The following THADA variants were observed in gnomAD, a reference collection of about 807,000 sequenced individuals.
THADA encodes THADA armadillo repeat containing.
In THADA, 213 loss-of-function variants were observed where a neutral mutation model predicts 219.8. That is an observed-to-expected ratio of 0.97 (90% CI 0.87 to 1.09). The LOEUF (loss-of-function observed/expected upper bound fraction) is 1.09, where lower values mean the gene tolerates loss of function less well. Among genes scored for constraint, THADA ranks in the 50% least tolerant of loss-of-function variants. THADA has a pLI of 0.00. For synonymous variants in THADA, 1,018 were observed against 828.9 expected (o/e 1.23, Z -3.92); for missense variants, 2,956 against 2,311.3 (o/e 1.28, Z -5.72).
At chr2:43,571,137 T>C (rs1047397513) in intron 13 of THADA, among the ~76,000 whole-genome samples, 9 of 152,068 alleles carry the variant, frequency 5.9e-5, no homozygotes, top group African/African-American at 1.7e-4. Flanking sequence ...GCCCCTGTCA[T>C]CCCAGCTACT....
At position 43,574,925 on chromosome 2, in the gene THADA, G is replaced by C. The variant is rs1026372495; in HGVS notation, c.1140C>G (p.Asp380Glu). ...CTATACTTGAATTCCCATTCAGGCT[G>C]TCCGTTAGGCTCGGGGAACTTGATT... is the stretch of plus-strand genomic sequence containing the variant. ...VLESSSPSLTDSLNGNSSIVG... is the reference protein window; with the variant it reads ...VLESSSPSLTESLNGNSSIVG... The change falls in exon 11 of 38, where the codon GAC becomes GAG. Residue 380 changes from aspartate to glutamate, a missense_variant. Physicochemically the swap from Asp to Glu is conservative, Grantham distance 45 (BLOSUM62 2). Transcript: ENST00000405975. 1.9e-6 allele frequency: 3 copies of C among 1,613,888 alleles called. No homozygotes were observed. In the Admixed American group the frequency reaches 5.0e-5, roughly 27 times the overall value.
At chr2:43,254,175 C>A (rs1301860852) in intron 36 of THADA, among the ~76,000 whole-genome samples, 1 of 151,738 alleles carries the variant, frequency 6.6e-6, no homozygotes, top group African/African-American at 2.4e-5. Context: ...CAACTAGAGC[C>A]AATAAAATGC....
chr2:43,566,153 A>G, intron 15 of THADA: 2 of 336,336 alleles, frequency 5.9e-6, no homozygotes, highest in Admixed American at 4.8e-5. Flanking sequence ...AAAAGATTCA[A>G]AGAGGGAACT....
chr2:43,269,216 G>A (rs988706339), intron 36 of THADA, among the ~76,000 whole-genome samples: 2 of 152,208 alleles, frequency 1.3e-5, no homozygotes, highest in African/African-American at 4.8e-5. Context: ...GATGGCCTAA[G>A]CCTCAGACTG....
At chr2:43,253,460 T>G (rs961186133) in intron 36 of THADA, among the ~76,000 whole-genome samples, 9 of 152,154 alleles carry the variant, frequency 5.9e-5, no homozygotes, top group African/African-American at 2.2e-4. Flanking sequence ...CTCTCTCAAC[T>G]CTCACTCATG....
At chr2:43,537,530 A>G (rs1330811239) in intron 21 of THADA, among the ~76,000 whole-genome samples, 1 of 152,258 alleles carries the variant, frequency 6.6e-6, no homozygotes, top group Non-Finnish European at 1.5e-5. Flanking sequence ...AAAATACAAA[A>G]AGCAATTTAA....
chr2:43,394,978 C>A (rs1673852636), intron 29 of THADA, among the ~76,000 whole-genome samples: 1 of 152,200 alleles, frequency 6.6e-6, no homozygotes, highest in Non-Finnish European at 1.5e-5. Context: ...TTTTATCTAG[C>A]AGAAGAAGTA....
At chr2:43,258,554 A>T (rs1670579490) in intron 36 of THADA, among the ~76,000 whole-genome samples, 1 of 152,168 alleles carries the variant, frequency 6.6e-6, no homozygotes, top group African/African-American at 2.4e-5. Context: ...AAATAAAAAT[A>T]AAAATTATTT....
rs142215896 is a variant in THADA at position 43,383,847 on chromosome 2, T to A, written c.4227+14124A>T. Among the ~76,000 whole-genome samples, 4 of 152,328 alleles carry A rather than the reference T, an allele frequency of 2.6e-5. 1 individual carries two copies. The highest frequency in any genetic ancestry group is 9.6e-5 in the African/African-American group (4 of 41,588). On this transcript the variant is annotated intron_variant, in intron 29 of 37. Coordinates refer to ENST00000405975, the MANE Select transcript of THADA (RefSeq NM_022065.5). ...AATCATTAAAAAAAGTGAAAAACGT[T>A]GTCAATTCTTAAATTTATACAAAAA...
intron 28 of THADA, 121 bp downstream of exon 28, chr2:43,427,979 A>AATATAT (rs1043956897): frequency 3.0e-5 from 14 of 467,002 alleles, no homozygotes; most frequent in African/African-American, 4.3e-5. Flanking sequence ...ACAAACAAAT[A>AATATAT]ATATATATAT....
intron 14 of THADA, among the ~76,000 whole-genome samples, chr2:43,570,143 G>C (rs529920682): frequency 1.3e-5 from 2 of 152,298 alleles, no homozygotes; most frequent in East Asian, 3.9e-4. Flanking sequence ...CACATAAGCT[G>C]AAAGTGATTG....
chr2:43,239,788 A>G (rs931198922), intron 36 of THADA, among the ~76,000 whole-genome samples: 9 of 152,116 alleles, frequency 5.9e-5, no homozygotes, highest in African/African-American at 1.9e-4. Flanking sequence ...CATCTGAAAA[A>G]TCCCTCAGCT....
intron 31 of THADA, among the ~76,000 whole-genome samples, chr2:43,297,887 G>T (rs1675738815): frequency 9.9e-6 from 1 of 101,320 alleles, no homozygotes; most frequent in Admixed American, 8.9e-5. Context: ...GCCTCTGCCC[G>T]GCCGCCCCTA....
At chr2:43,364,488 C>T (rs1484628421) in intron 29 of THADA, among the ~76,000 whole-genome samples, 1 of 152,156 alleles carries the variant, frequency 6.6e-6, no homozygotes, top group African/African-American at 2.4e-5. Context: ...ATGCTGACAG[C>T]ACACCACCAG....
At chr2:43,311,037 G>A (rs771951951) in intron 31 of THADA, among the ~76,000 whole-genome samples, 26 of 152,146 alleles carry the variant, frequency 1.7e-4, no homozygotes, top group Non-Finnish European at 2.6e-4. Context: ...TTAGCCAGGT[G>A]TGGTGGCACA....
chr2:43,352,955 T>A (rs529232937), intron 29 of THADA, among the ~76,000 whole-genome samples: 55 of 152,300 alleles, frequency 3.6e-4, no homozygotes, highest in African/African-American at 1.3e-3. Context: ...ATATTTGACT[T>A]TTATTATTTT....
intron 21 of THADA, among the ~76,000 whole-genome samples, chr2:43,534,973 G>A (rs77972916): frequency 0.047 from 7,085 of 152,136 alleles, 212 homozygotes; most frequent in Non-Finnish European, 0.074. Context: ...TAGGGTGTAA[G>A]AGTTCCCTTT....
intron 35 of THADA, among the ~76,000 whole-genome samples, chr2:43,281,510 T>C (rs1218329646): frequency 4.6e-5 from 7 of 150,740 alleles, no homozygotes; most frequent in Non-Finnish European, 4.4e-5. Flanking sequence ...GGGGCAATCT[T>C]GGCTCACCGC....
At chr2:43,377,084 G>A (rs1671464402) in intron 29 of THADA, among the ~76,000 whole-genome samples, 1 of 152,184 alleles carries the variant, frequency 6.6e-6, no homozygotes, top group Admixed American at 6.5e-5. Flanking sequence ...CCCGGGAGTG[G>A]CACAATATCG....
Sources: allele counts gnomAD v4.1 joint callset (sites outside exome capture counted in the v4.1 genomes callset), GRCh38; gene constraint gnomAD v4.1.1; transcripts MANE v1.5; gene names NCBI Gene and HGNC (gene_info 2026-07-23, HGNC 2026-07-21).